Variants in NSMCE2 observed in about 807,000 individuals in gnomAD.
NSMCE2 encodes E3 SUMO-protein ligase NSE2.
A neutral mutation model predicts 23.8 loss-of-function variants in NSMCE2; 24 were observed. That is an observed-to-expected ratio of 1.01 (90% CI 0.73 to 1.42). The LOEUF (loss-of-function observed/expected upper bound fraction) is 1.42. Ranked by LOEUF, NSMCE2 falls within the 40% of genes most tolerant of loss-of-function variation. NSMCE2 has a pLI of 0.00. For missense variants in NSMCE2, 284 were observed against 296.5 expected (o/e 0.96, Z 0.31); for synonymous variants, 92 against 94.1 (o/e 0.98, Z 0.13).
At chr8:125,238,511 A>T (rs1563736993) in intron 5 of NSMCE2, among the ~76,000 whole-genome samples, 1 of 152,140 alleles carries the variant, frequency 6.6e-6, no homozygotes, top group Non-Finnish European at 1.5e-5. Flanking sequence ...CTGGAATTTT[A>T]AAAAAATTGA....
At chr8:125,171,617 G>A (rs953757253) in intron 4 of NSMCE2, among the ~76,000 whole-genome samples, 4 of 152,186 alleles carry the variant, frequency 2.6e-5, no homozygotes, top group Non-Finnish European at 4.4e-5. Context: ...TACTAATACT[G>A]CTGCTAATTC....
intron 5 of NSMCE2, among the ~76,000 whole-genome samples, chr8:125,276,635 C>T (rs1186114364): frequency 1.3e-5 from 2 of 152,116 alleles, no homozygotes. Context: ...GTAGAACCTC[C>T]ATGAACCTTT....
chr8:125,094,884 C>T (rs763137620), intron 1 of NSMCE2, among the ~76,000 whole-genome samples: 6 of 152,096 alleles, frequency 3.9e-5, no homozygotes, highest in Non-Finnish European at 7.4e-5. Context: ...AAGAGGGTCT[C>T]GCTCTGTTGC....
At chr8:125,109,268 G>T (rs1818615407) in intron 3 of NSMCE2, among the ~76,000 whole-genome samples, 2 of 152,092 alleles carry the variant, frequency 1.3e-5, no homozygotes, top group Admixed American at 1.3e-4. Flanking sequence ...TTTATAAAAG[G>T]CATTATTGTG....
chr8:125,095,682 GT>G (rs1817892802), intron 1 of NSMCE2, among the ~76,000 whole-genome samples: 1 of 151,704 alleles, frequency 6.6e-6, no homozygotes, highest in Non-Finnish European at 1.5e-5. Flanking sequence ...ATCACTTGAG[GT>G]CAGGAGTTTG....
At chr8:125,323,290 T>C (rs951942846) in intron 5 of NSMCE2, among the ~76,000 whole-genome samples, 4 of 152,194 alleles carry the variant, frequency 2.6e-5, no homozygotes, top group Admixed American at 6.5e-5. Flanking sequence ...TTTGTAGATA[T>C]TGACGAGATT....
intron 5 of NSMCE2, among the ~76,000 whole-genome samples, chr8:125,268,273 AT>A (rs1827028447): frequency 6.6e-6 from 1 of 152,058 alleles, no homozygotes; most frequent in Middle Eastern, 3.4e-3. Context: ...GAAGGTCAAC[AT>A]TTGGTTAGTG....
chr8:125,357,127 C>T, intron 5 of NSMCE2, 92 bp from the exon 6 acceptor site: 1 of 786,858 alleles, frequency 1.3e-6, no homozygotes, highest in Non-Finnish European at 2.1e-6. Flanking sequence ...AGCAAATGCT[C>T]CCCCAGAAAC....
intron 4 of NSMCE2, among the ~76,000 whole-genome samples, chr8:125,170,376 CTTTTTT>C (rs565593006): frequency 3.7e-4 from 14 of 37,860 alleles, no homozygotes; most frequent in East Asian, 1.4e-3. Flanking sequence ...CTCTTTATTT[CTTTTTT>C]TTTTTTTTTT....
chr8:125,197,800 A>G (rs1384635841), intron 5 of NSMCE2, among the ~76,000 whole-genome samples: 1 of 152,130 alleles, frequency 6.6e-6, no homozygotes, highest in Admixed American at 6.5e-5. Context: ...CATTTTCACT[A>G]TATTGATTCT....
chr8:125,199,871 G>A (rs1406693823), intron 5 of NSMCE2, among the ~76,000 whole-genome samples: 3 of 152,134 alleles, frequency 2.0e-5, no homozygotes, highest in Non-Finnish European at 2.9e-5. Context: ...TGTGTTGGGT[G>A]CATATATATT....
chr8:125,094,045 C>T (rs922325438), intron 1 of NSMCE2, among the ~76,000 whole-genome samples: 1 of 151,744 alleles, frequency 6.6e-6, no homozygotes, highest in Admixed American at 6.6e-5. Flanking sequence ...CTCAAGCAAT[C>T]TTCCTGCCTT....
chr8:125,149,042 CACA>C lies in NSMCE2; in HGVS notation c.158-2121_158-2119del, dbSNP rs1820837651. 2.0e-5 allele frequency among the ~76,000 whole-genome samples: 3 copies of C among 152,112 alleles called. No individual in the cohort carries two copies. In the South Asian group the frequency reaches 6.2e-4, roughly 32 times the overall value. On this transcript the variant is annotated intron_variant, in intron 3 of 7. Coordinates refer to ENST00000287437, the MANE Select transcript of NSMCE2 (RefSeq NM_173685.4). ...CATTTTGTTGACTTTCAGAAATTTTCACAACAACAAACTGTGACTCTAATAGTC... is the reference window on the plus strand; with the variant it reads ...CATTTTGTTGACTTTCAGAAATTTTCACAACAAACTGTGACTCTAATAGTC...
intron 5 of NSMCE2, among the ~76,000 whole-genome samples, chr8:125,281,365 T>G (rs953311312): frequency 6.6e-6 from 1 of 152,200 alleles, no homozygotes; most frequent in Non-Finnish European, 1.5e-5. Flanking sequence ...AAGATAAAAG[T>G]TCAGTCACTA....
intron 4 of NSMCE2, among the ~76,000 whole-genome samples, chr8:125,169,927 C>CT (rs988832990): frequency 8.8e-4 from 128 of 146,280 alleles, no homozygotes; most frequent in African/African-American, 1.8e-3. Flanking sequence ...ACTGGGAGTG[C>CT]TTTTTTTTTT....
chr8:125,164,756 A>G (rs7842852), intron 4 of NSMCE2, among the ~76,000 whole-genome samples: 138 of 152,332 alleles, frequency 9.1e-4, no homozygotes, highest in African/African-American at 3.3e-3. Flanking sequence ...ATAAAAATGA[A>G]ATAAACTTTT....
At chr8:125,158,036 A>G (rs1821414747) in intron 4 of NSMCE2, among the ~76,000 whole-genome samples, 1 of 152,248 alleles carries the variant, frequency 6.6e-6, no homozygotes. Flanking sequence ...TTGTAAACTT[A>G]GTTAACTAGA....
At chr8:125,159,406 A>T (rs912397473) in intron 4 of NSMCE2, among the ~76,000 whole-genome samples, 1 of 152,176 alleles carries the variant, frequency 6.6e-6, no homozygotes, top group Non-Finnish European at 1.5e-5. Context: ...ATATGTTTAG[A>T]TACATAAATA....
intron 3 of NSMCE2, among the ~76,000 whole-genome samples, chr8:125,112,640 C>A (rs547986348): frequency 1.3e-5 from 2 of 152,008 alleles, no homozygotes; most frequent in African/African-American, 4.8e-5. Context: ...AAGCCAGTCA[C>A]AGAAAGATAA....
Sources: allele counts gnomAD v4.1 joint callset (sites outside exome capture counted in the v4.1 genomes callset), GRCh38; gene constraint gnomAD v4.1.1; transcripts MANE v1.5; gene names NCBI Gene and HGNC (gene_info 2026-07-23, HGNC 2026-07-21).